Variants in LAMC1 observed in about 807,000 individuals in gnomAD.
LAMC1 encodes laminin subunit gamma-1.
LAMC1 carries 38 observed loss-of-function variants against 173.6 expected under a neutral mutation model. The ratio of observed to expected loss-of-function variants is 0.22; its 90% CI spans 0.17 to 0.29. The LOEUF (loss-of-function observed/expected upper bound fraction) is 0.29. Among genes scored for constraint, LAMC1 ranks in the 10% least tolerant of loss-of-function variants. The probability of loss-of-function intolerance (pLI) is 1.00; values close to 1 mark genes in which losing one functional copy is unlikely to be tolerated. For missense variants in LAMC1, 1,824 were observed against 2,051.8 expected, an observed-to-expected ratio of 0.89 and a Z score of 2.14; for synonymous variants, 746 against 749.1, an observed-to-expected ratio of 1.00 and a Z score of 0.07.
intron 1 of LAMC1, among the ~76,000 whole-genome samples, chr1:183,085,014 C>T (rs1045576397): frequency 3.3e-5 from 5 of 152,066 alleles, no homozygotes; most frequent in Admixed American, 6.6e-5. Context: ...GTCAGAAGTT[C>T]GAGACCAGCC....
In LAMC1 at chr1:183,129,648, A is replaced by T. The variant is rs139747641; in HGVS notation, c.3281-696A>T. Among the ~76,000 whole-genome samples, 693 of 151,978 alleles carry T rather than the reference A, an allele frequency of 4.6e-3. 7 individuals carry two copies. The highest frequency in any genetic ancestry group is 0.015 in the African/African-American group (640 of 41,420). On this transcript the variant is annotated intron_variant, in intron 18 of 27. Transcript: ENST00000258341. ...AAATATGAATTGGTCAATTTACTTA[A>T]TGGTTTTTATATATTAATAAAACCT...
intron 1 of LAMC1, among the ~76,000 whole-genome samples, chr1:183,065,896 G>T (rs184495652): frequency 6.6e-5 from 10 of 152,226 alleles, no homozygotes; most frequent in Admixed American, 2.6e-4. Flanking sequence ...TGTGACTTTG[G>T]TCAGGTTTCT....
chr1:183,069,551 A>T (rs1047007322), intron 1 of LAMC1, among the ~76,000 whole-genome samples: 1 of 152,230 alleles, frequency 6.6e-6, no homozygotes, highest in Non-Finnish European at 1.5e-5. Flanking sequence ...AGAGAAAGGT[A>T]AGTTAAACAG....
chr1:183,117,905 T>C (rs1656366312), intron 10 of LAMC1, 129 bp from the exon 11 acceptor site: 5 of 743,472 alleles, frequency 6.7e-6, no homozygotes, highest in African/African-American at 5.3e-5. Context: ...ACCAAACCAA[T>C]AGTCTTATTT....
intron 1 of LAMC1, among the ~76,000 whole-genome samples, chr1:183,067,527 C>T (rs536843623): frequency 6.1e-4 from 93 of 152,196 alleles, no homozygotes; most frequent in African/African-American, 2.1e-3. Context: ...CTCGCTCTGT[C>T]ACCCAGGCTG....
intron 4 of LAMC1, 127 bp downstream of exon 4, chr1:183,110,781 T>G: frequency 1.1e-6 from 1 of 945,388 alleles, no homozygotes; most frequent in South Asian, 1.7e-5. Context: ...TTTGTGTAAT[T>G]TGAGTAGTAT....
At chr1:183,137,487 AT>A (rs1024214181) in intron 25 of LAMC1, among the ~76,000 whole-genome samples, 181 bp from the exon 26 acceptor site, 3 of 106,118 alleles carry the variant, frequency 2.8e-5, no homozygotes, top group African/African-American at 6.0e-5. Flanking sequence ...GTGGGTAGTA[AT>A]TTTTTTTATG....
chr1:183,066,246 T>C (rs534209694), intron 1 of LAMC1, among the ~76,000 whole-genome samples: 1 of 152,204 alleles, frequency 6.6e-6, no homozygotes, highest in East Asian at 1.9e-4. Context: ...AAAGAGACAA[T>C]TGACATTATG....
intron 1 of LAMC1, among the ~76,000 whole-genome samples, chr1:183,062,328 T>C (rs1459271240): frequency 6.6e-6 from 1 of 152,126 alleles, no homozygotes; most frequent in Admixed American, 6.5e-5. Flanking sequence ...TTTTAAATAG[T>C]TTGTCTTGTA....
In LAMC1 at chr1:183,132,272, A is replaced by G. The variant is rs188803814; in HGVS notation, c.3567-128A>G. 4.9e-6 allele frequency: 3 copies of G among 614,524 alleles called. No individual in the cohort carries two copies. In the Admixed American group the frequency reaches 9.6e-5, roughly 20 times the overall value. 38.1% of individuals were successfully genotyped at this position (614,524 alleles called of 1,614,324 possible). A position where few individuals can be genotyped will look rare whatever the true frequency, so the allele number is the denominator to read the frequency against. On this transcript the variant is annotated intron_variant, in intron 20 of 27. Transcript: ENST00000258341. ...ACGCCACTGCACACCAGCCTGGGTG[A>G]CAGAGCGAGACTCCATTTCAAATAA... is the stretch of plus-strand genomic sequence containing the variant.
Position 183,132,536 on chromosome 1 carries a change from A to G in LAMC1, c.3703A>G (p.Lys1235Glu), listed in dbSNP as rs749997889. The stretch of plus-strand genomic sequence containing the variant: ...ATTTGAGATTGAAGAGCTTAATAGG[A>G]AGTGAGTATAATTTGAAAGTGGTTT... The part of the protein sequence containing the change: ...TAFEIEELNR[K>E]YEQAKNISQD... Residue 1235 changes from lysine to glutamate, a missense_variant and splice_region_variant, in exon 21 of 28, where the codon AAG (lysine) becomes GAG (glutamate). Coordinates refer to ENST00000258341, the MANE Select transcript of LAMC1 (RefSeq NM_002293.4). 2 of 1,612,888 alleles carry G rather than the reference A, an allele frequency of 1.2e-6. No individual in the cohort carries two copies. The highest frequency in any genetic ancestry group is 1.3e-5 in the African/African-American group (1 of 74,872).
intron 1 of LAMC1, among the ~76,000 whole-genome samples, chr1:183,088,801 G>A (rs1169482263): frequency 2.0e-5 from 3 of 152,214 alleles, no homozygotes; most frequent in African/African-American, 4.8e-5. Context: ...TGGAAGGGGT[G>A]AAGACTAGAG....
chr1:183,122,844 A>C (rs1276401208), intron 13 of LAMC1, among the ~76,000 whole-genome samples: 1 of 152,058 alleles, frequency 6.6e-6, no homozygotes, highest in Non-Finnish European at 1.5e-5. Flanking sequence ...TGATGAGCCA[A>C]ATCAGCTCCT....
intron 18 of LAMC1, 46 bp from the exon 19 acceptor site, chr1:183,130,298 A>C: frequency 6.7e-7 from 1 of 1,489,384 alleles, no homozygotes; most frequent in South Asian, 1.1e-5. Flanking sequence ...AGATGATATG[A>C]TCCTCTTCAG....
At chr1:183,112,975 A>G (rs984998353) in intron 4 of LAMC1, among the ~76,000 whole-genome samples, 2 of 152,142 alleles carry the variant, frequency 1.3e-5, no homozygotes, top group Non-Finnish European at 1.5e-5. Context: ...TTTGGGACCA[A>G]CCTGGGCAAT....
intron 20 of LAMC1, among the ~76,000 whole-genome samples, chr1:183,132,102 C>G (rs920052152): frequency 1.3e-5 from 2 of 152,176 alleles, no homozygotes; most frequent in African/African-American, 4.8e-5. Flanking sequence ...AGTTTGAGAC[C>G]AGCCTGGCCA....
intron 1 of LAMC1, among the ~76,000 whole-genome samples, chr1:183,041,596 C>T (rs182500091): frequency 6.6e-5 from 10 of 152,236 alleles, no homozygotes; most frequent in African/African-American, 1.7e-4. Context: ...AAAGACAAGA[C>T]GAATCCATAG....
chr1:183,109,741 GGAAGCAAGT>G (rs1656090263), intron 3 of LAMC1, among the ~76,000 whole-genome samples: 1 of 152,170 alleles, frequency 6.6e-6, no homozygotes, highest in Non-Finnish European at 1.5e-5. Context: ...CTGTCATTAA[GGAAGCAAGT>G]GAGGGGAACA....
intron 1 of LAMC1, among the ~76,000 whole-genome samples, chr1:183,084,090 C>T (rs566442862): frequency 1.3e-5 from 2 of 152,308 alleles, no homozygotes; most frequent in East Asian, 3.9e-4. Context: ...CGCTGTGGCT[C>T]ATGCCTGTAA....
Sources: gnomAD v4.1 joint callset for allele counts (sites outside exome capture counted in the v4.1 genomes callset) on GRCh38, gnomAD v4.1.1 for gene constraint, MANE v1.5 for transcripts, NCBI Gene and HGNC (gene_info 2026-07-23, HGNC 2026-07-21) for gene names.